The following PECR variants were observed in gnomAD, a reference collection of about 807,000 sequenced individuals.
PECR encodes peroxisomal trans-2-enoyl-CoA reductase.
A neutral mutation model predicts 35.3 loss-of-function variants in PECR; 30 were observed. The observed-to-expected ratio is 0.85, with a 90% confidence interval of 0.64 to 1.15. The LOEUF (loss-of-function observed/expected upper bound fraction) is 1.15, where lower values mean the gene tolerates loss of function less well. Among genes scored for constraint, PECR ranks in the 50% most tolerant of loss-of-function variants. The pLI is 0.00. For synonymous variants in PECR, 148 were observed against 138.9 expected (o/e 1.07, Z -0.46); for missense variants, 392 against 370.8 (o/e 1.06, Z -0.47).
In PECR at chr2:216,049,289, C is replaced by T. The variant is rs552081322; in HGVS notation, c.688G>A (p.Ala230Thr). The T allele has an allele frequency of 1.7e-5, 27 of 1,579,572 alleles. No individual in the cohort carries two copies. The highest frequency in any genetic ancestry group is 1.9e-5 in the Non-Finnish European group (22 of 1,148,640). Reference protein sequence around the residue: ...FFEGSFQKIPAKRIGVPEEVS... With the variant: ...FFEGSFQKIPTKRIGVPEEVS... ...TCCTCAGGAACACCAATTCGTTTAGCGGGGATTTTCTGAAAAGACCCTTCA... is the reference window on the plus strand; with the variant it reads ...TCCTCAGGAACACCAATTCGTTTAGTGGGGATTTTCTGAAAAGACCCTTCA... Residue 230 changes from alanine (A) to threonine (T), a missense_variant, in exon 6 of 8, where the codon GCT becomes ACT. Transcript: ENST00000265322.
chr2:216,080,841 T>C (rs1289724889), intron 1 of PECR, among the ~76,000 whole-genome samples: 1 of 152,198 alleles, frequency 6.6e-6, no homozygotes, highest in African/African-American at 2.4e-5. Flanking sequence ...TTTCTTTATT[T>C]GTAAGAGCTC....
At chr2:216,078,134 T>C (rs1302109851) in intron 1 of PECR, among the ~76,000 whole-genome samples, 1 of 151,772 alleles carries the variant, frequency 6.6e-6, no homozygotes, top group African/African-American at 2.4e-5. Context: ...AACAGTGGCC[T>C]TCTGACTAGA....
At chr2:216,081,494 C>G (rs1695848498) in intron 1 of PECR, 124 bp downstream of exon 1, 1 of 1,241,218 alleles carries the variant, frequency 8.1e-7, no homozygotes, top group Admixed American at 1.7e-5. Flanking sequence ...TTCGCCCACA[C>G]CTGCCCCGTC....
Position 216,081,626 on chromosome 2 carries a change from A to G in PECR, c.116T>C (p.Leu39Pro), listed in dbSNP as rs761617648. The G allele has an allele frequency of 3.4e-5, 55 of 1,613,676 alleles. No homozygotes were observed. The highest frequency in any genetic ancestry group is 4.6e-5 in the Non-Finnish European group (54 of 1,179,950). Residue 39 changes from leucine (L) to proline (P), a missense_variant, in exon 1 of 8, where the codon CTG (leucine) becomes CCG (proline). Transcript: ENST00000265322. ...GCGGCCCGCTCACGTACCCAGCTCCAGGAGCTCCTTCACGATGGCTTTTCC... is the reference window on the plus strand; with the variant it reads ...GCGGCCCGCTCACGTACCCAGCTCCGGGAGCTCCTTCACGATGGCTTTTCC... ...GIGKAIVKELLELGSNVVIAS... is the reference protein window; with the variant it reads ...GIGKAIVKELPELGSNVVIAS...
Position 216,031,628 on chromosome 2 carries a change from CAAGG to C in PECR, c.*440+7559_*440+7562del, listed in dbSNP as rs1337274634. Among the ~76,000 whole-genome samples, 15 of 80,694 alleles carry C rather than the reference CAAGG, an allele frequency of 1.9e-4. No individual in the cohort carries two copies. In the South Asian group the frequency reaches 2.0e-3, roughly 11 times the overall value. 52.9% of individuals were successfully genotyped at this position (80,694 alleles called of 152,430 possible). On this transcript the variant is annotated intron_variant and NMD_transcript_variant, in intron 7 of 7. Transcript: ENST00000442122. ...AGAAGGAAGAAAAGAAAGAAAGGAACAAGGAAGGAAGGAAGAAGAAAAGAAAGAA... is the reference window on the plus strand; with the variant it reads ...AGAAGGAAGAAAAGAAAGAAAGGAACAAGGAAGGAAGAAGAAAAGAAAGAA...
intron 6 of PECR, among the ~76,000 whole-genome samples, chr2:216,044,280 T>C (rs890087075): frequency 2.6e-5 from 4 of 152,174 alleles, no homozygotes; most frequent in African/African-American, 7.2e-5. Context: ...TCAAGCAAGC[T>C]ACATGACGTC....
intron 7 of PECR, among the ~76,000 whole-genome samples, chr2:216,030,636 A>G (rs1694664904): frequency 6.6e-6 from 1 of 151,706 alleles, no homozygotes; most frequent in African/African-American, 2.4e-5. Context: ...CTCCGCCCCC[A>G]GGTTCAAGCG....
rs573346061 is a variant in PECR, at chr2:216,049,314, A to G, written c.663T>C (p.Phe221=). 3 of 1,605,988 alleles carry G rather than the reference A, an allele frequency of 1.9e-6. No homozygotes were observed. The highest frequency in any genetic ancestry group is 2.6e-6 in the Non-Finnish European group (3 of 1,172,490). ...CGGGGATTTTCTGAAAAGACCCTTCAAAGAAGCTTTGTCCCCAGGAACCAT... is the reference window on the plus strand; with the variant it reads ...CGGGGATTTTCTGAAAAGACCCTTCGAAGAAGCTTTGTCCCCAGGAACCAT... ...ENYGSWGQSF[F]EGSFQKIPAK... The change falls in exon 6 of 8, where the codon TTT becomes TTC. Residue 221 remains phenylalanine, a synonymous_variant. Coordinates refer to ENST00000265322, the MANE Select transcript of PECR (RefSeq NM_018441.6).
At chr2:216,034,390 GC>G (rs1694760909), downstream of PECR, among the ~76,000 whole-genome samples, 2 of 152,180 alleles carry the variant, frequency 1.3e-5, no homozygotes, top group African/African-American at 4.8e-5. Context: ...GACAAGCACA[GC>G]CCTGCTGTCC....
chr2:216,053,433 C>T (rs1300572600), intron 4 of PECR, among the ~76,000 whole-genome samples: 1 of 151,496 alleles, frequency 6.6e-6, no homozygotes, highest in Non-Finnish European at 1.5e-5. Flanking sequence ...TTAGTAGAGA[C>T]GGGGGTTTCA....
At chr2:216,040,600 G>A (rs765810005) in intron 7 of PECR, among the ~76,000 whole-genome samples, 19 of 152,208 alleles carry the variant, frequency 1.2e-4, no homozygotes, top group Non-Finnish European at 2.4e-4. Flanking sequence ...CAGGCACAGT[G>A]GCTCATGCCT....
At chr2:216,062,526 T>C (rs1338710707) in intron 3 of PECR, among the ~76,000 whole-genome samples, 1 of 152,204 alleles carries the variant, frequency 6.6e-6, no homozygotes, top group Non-Finnish European at 1.5e-5. Flanking sequence ...TGGATTTTCT[T>C]CACAATTCTT....
chr2:216,065,341 A>G lies in PECR; in HGVS notation c.395T>C (p.Leu132Pro). The G allele has an allele frequency of 6.2e-7, 1 of 1,612,346 alleles. No individual in the cohort carries two copies. The highest frequency in any genetic ancestry group is 8.5e-7 in the Non-Finnish European group (1 of 1,178,342). Residue 132 changes from leucine (L) to proline (P), a missense_variant, in exon 3 of 8, where the codon CTG (leucine) becomes CCG (proline). Transcript: ENST00000265322. ...KGWHAVLETN[L>P]TGTFYMCKAV... ...TTTGCACATGTAGAAGGTACCCGTCAGGTTGGTCTCAAGCACAGCGTGCCA... is the reference window on the plus strand; with the variant it reads ...TTTGCACATGTAGAAGGTACCCGTCGGGTTGGTCTCAAGCACAGCGTGCCA...
intron 1 of PECR, among the ~76,000 whole-genome samples, chr2:216,068,258 G>C (rs1574701635): frequency 7.3e-6 from 1 of 137,744 alleles, no homozygotes; most frequent in Non-Finnish European, 1.6e-5. Context: ...ACCGGAACCA[G>C]AAATGACACT....
chr2:216,071,252 G>C (rs554939173), intron 1 of PECR, among the ~76,000 whole-genome samples: 145 of 152,292 alleles, frequency 9.5e-4, no homozygotes, highest in African/African-American at 3.3e-3. Flanking sequence ...AGAAGCAAAG[G>C]CTTTTGTGGC....
At chr2:216,074,373 G>A (rs973741579) in intron 1 of PECR, among the ~76,000 whole-genome samples, 3 of 152,086 alleles carry the variant, frequency 2.0e-5, no homozygotes, top group African/African-American at 7.2e-5. Flanking sequence ...CTTGAACCTG[G>A]GGGCAGAGGT....
intron 1 of PECR, among the ~76,000 whole-genome samples, chr2:216,072,883 T>A (rs1695615327): frequency 6.6e-6 from 1 of 152,212 alleles, no homozygotes; most frequent in African/African-American, 2.4e-5. Flanking sequence ...AAACACCCAG[T>A]AGTGGGTTTG....
chr2:216,050,619 T>C (rs188531754), intron 5 of PECR, among the ~76,000 whole-genome samples: 28 of 152,136 alleles, frequency 1.8e-4, no homozygotes, highest in Admixed American at 4.6e-4. Flanking sequence ...GATCTATAGA[T>C]AGGCTGGGCG....
chr2:216,066,190 G>A (rs916750586), intron 2 of PECR, among the ~76,000 whole-genome samples, 195 bp downstream of exon 2: 3 of 152,138 alleles, frequency 2.0e-5, no homozygotes, highest in Non-Finnish European at 2.9e-5. Flanking sequence ...CCACATTCTT[G>A]CCTCCCTTCC....
Sources: allele counts gnomAD v4.1 joint callset (sites outside exome capture counted in the v4.1 genomes callset), GRCh38; gene constraint gnomAD v4.1.1; transcripts MANE v1.5; gene names NCBI Gene and HGNC (gene_info 2026-07-23, HGNC 2026-07-21).